DCBLD2: variants seen among roughly 807,000 people sequenced by gnomAD.
DCBLD2 encodes the protein discoidin, CUB and LCCL domain containing 2, also known as discoidin, CUB and LCCL domain-containing protein 2.
DCBLD2 carries 54 observed loss-of-function variants against 86.8 expected under a neutral mutation model. The observed-to-expected ratio is 0.62, with a 90% CI of 0.50 to 0.78. DCBLD2 has a LOEUF of 0.78. Among genes scored for constraint, DCBLD2 ranks in the 30% least tolerant of loss-of-function variants. The probability of loss-of-function intolerance (pLI) is 0.00; values close to 1 mark genes in which losing one functional copy is unlikely to be tolerated. For synonymous variants in DCBLD2, 354 were observed against 341.3 expected (o/e 1.04, Z -0.41); for missense variants, 908 against 954.2 (o/e 0.95, Z 0.64).
intron 3 of DCBLD2, among the ~76,000 whole-genome samples, chr3:98,835,941 T>TCTTTCTTTC (rs1553726363): frequency 7.4e-6 from 1 of 135,558 alleles, no homozygotes; most frequent in Non-Finnish European, 1.6e-5. Flanking sequence ...TTTCTTTCTT[T>TCTTTCTTTC]TTTTTTTTTT....
chr3:98,899,931 A>G (rs1943819009), intron 1 of DCBLD2, among the ~76,000 whole-genome samples: 1 of 152,212 alleles, frequency 6.6e-6, no homozygotes, highest in Non-Finnish European at 1.5e-5. Context: ...AGTGGAAAGA[A>G]GGATTTCACA....
intron 3 of DCBLD2, among the ~76,000 whole-genome samples, chr3:98,840,154 T>A (rs1942594714): frequency 6.6e-6 from 1 of 152,082 alleles, no homozygotes; most frequent in Non-Finnish European, 1.5e-5. Context: ...CAGAGTAGAT[T>A]GAAGGGGGAA....
chr3:98,814,117 G>A (rs757622481), intron 9 of DCBLD2: 13 of 152,010 alleles, frequency 8.6e-5, no homozygotes, highest in Non-Finnish European at 1.6e-4. Context: ...CTATTTCCAA[G>A]TATTGTGGCT....
chr3:98,849,337 G>T, intron 3 of DCBLD2, 124 bp downstream of exon 3: 3 of 1,185,812 alleles, frequency 2.5e-6, no homozygotes, highest in South Asian at 1.3e-5. Context: ...TTATATATGT[G>T]CTATTAATTG....
intron 2 of DCBLD2, among the ~76,000 whole-genome samples, chr3:98,879,515 T>A (rs1426248230): frequency 6.6e-6 from 1 of 152,070 alleles, no homozygotes; most frequent in East Asian, 1.9e-4. Flanking sequence ...GCCTCCCAAG[T>A]AGCTGGGACT....
chr3:98,858,842 G>A (rs372744423), intron 2 of DCBLD2, among the ~76,000 whole-genome samples: 56 of 152,250 alleles, frequency 3.7e-4, no homozygotes, highest in African/African-American at 1.1e-3. Flanking sequence ...CAAGATGGCC[G>A]AATAGGAACA....
At chr3:98,833,158 A>AC (rs1160946326) in intron 3 of DCBLD2, among the ~76,000 whole-genome samples, 5 of 150,734 alleles carry the variant, frequency 3.3e-5, no homozygotes. Context: ...CTTTTGTCTG[A>AC]CTCTCTTATT....
chr3:98,881,760 T>A lies in DCBLD2; in HGVS notation c.213A>T (p.Gly71=). Reference sequence around the variant, plus strand: ...CAGGGCCTAGTACAGTGTGTCCACATCCATCACCTTTAAAAAAAGTGAAAA... The same window carrying A: ...CAGGGCCTAGTACAGTGTGTCCACAACCATCACCTTTAAAAAAAGTGAAAA... ...LEDAGAQQGD[G]CGHTVLGPES... The change falls in exon 2 of 16, where the codon GGA becomes GGT. Residue 71 remains glycine, a synonymous_variant. Transcript: ENST00000326840. The A allele has an allele frequency of 6.3e-7, 1 of 1,593,914 alleles. No homozygotes were observed. Among genetic ancestry groups the A allele is most frequent in the Non-Finnish European group, 8.6e-7 (1 of 1,166,616 alleles).
At chr3:98,811,714 T>G (rs1941942616) in intron 10 of DCBLD2, among the ~76,000 whole-genome samples, 160 bp from the exon 11 acceptor site, 1 of 152,222 alleles carries the variant, frequency 6.6e-6, no homozygotes, top group Admixed American at 6.5e-5. Flanking sequence ...TATTATACTC[T>G]GCAATAAAGG....
intron 3 of DCBLD2, among the ~76,000 whole-genome samples, chr3:98,843,221 T>C (rs1438282061): frequency 1.3e-5 from 2 of 152,172 alleles, no homozygotes; most frequent in Non-Finnish European, 2.9e-5. Flanking sequence ...ACATTATACA[T>C]ACTCATTTGT....
At chr3:98,805,808 C>A (rs1170189380) in intron 13 of DCBLD2, among the ~76,000 whole-genome samples, 2 of 152,162 alleles carry the variant, frequency 1.3e-5, no homozygotes, top group African/African-American at 4.8e-5. Context: ...CTGACTTCTG[C>A]CCTCTCAACA....
intron 1 of DCBLD2, among the ~76,000 whole-genome samples, chr3:98,900,561 G>C (rs947750893): frequency 7.2e-5 from 11 of 152,082 alleles, no homozygotes; most frequent in Non-Finnish European, 4.4e-5. Context: ...CATAGCGTTG[G>C]GTCAGACCCA....
At chr3:98,830,220 G>A (rs1381927465) in intron 3 of DCBLD2, among the ~76,000 whole-genome samples, 1 of 152,110 alleles carries the variant, frequency 6.6e-6, no homozygotes, top group Non-Finnish European at 1.5e-5. Context: ...TTCTTTTGCT[G>A]TACAGAAGCT....
chr3:98,838,101 C>T (rs1942514041), intron 3 of DCBLD2, among the ~76,000 whole-genome samples: 1 of 141,934 alleles, frequency 7.0e-6, no homozygotes, highest in African/African-American at 2.6e-5. Context: ...GGGGCTGAAC[C>T]CCCCACCTCC....
At chr3:98,833,838 C>G (rs867935760) in intron 3 of DCBLD2, among the ~76,000 whole-genome samples, 5 of 152,368 alleles carry the variant, frequency 3.3e-5, no homozygotes, top group Middle Eastern at 6.8e-3. Flanking sequence ...CCAGTGGGAG[C>G]TCTGTCCCAG....
chr3:98,849,400 A>G, intron 3 of DCBLD2, 61 bp downstream of exon 3: 1 of 1,605,322 alleles, frequency 6.2e-7, no homozygotes, highest in East Asian at 2.2e-5. Context: ...TAAAAAAAGC[A>G]TTTTATTTTT....
intron 4 of DCBLD2, 31 bp downstream of exon 4, chr3:98,825,279 CAAAAA>C (rs11341324): frequency 1.3e-4 from 165 of 1,263,382 alleles, no homozygotes; most frequent in South Asian, 3.7e-4. Flanking sequence ...AACATTTAAG[CAAAAA>C]AAAAAAAAAA....
intron 8 of DCBLD2, 117 bp downstream of exon 8, chr3:98,819,085 T>A (rs1942072091): frequency 2.0e-6 from 2 of 1,013,538 alleles, no homozygotes; most frequent in Non-Finnish European, 2.8e-6. Flanking sequence ...GAAGAAAATA[T>A]AAAACCATAT....
chr3:98,897,951 C>T (rs2107535795), intron 1 of DCBLD2, among the ~76,000 whole-genome samples: 1 of 152,082 alleles, frequency 6.6e-6, no homozygotes, highest in African/African-American at 2.4e-5. Context: ...CATCAACTTC[C>T]AATAAATTTA....
Sources: gnomAD v4.1 joint callset for allele counts (sites outside exome capture counted in the v4.1 genomes callset) on GRCh38, gnomAD v4.1.1 for gene constraint, MANE v1.5 for transcripts, NCBI Gene and HGNC (gene_info 2026-07-23, HGNC 2026-07-21) for gene names.